The following NPEPPS variants were observed in gnomAD, a reference collection of about 807,000 sequenced individuals.
NPEPPS encodes aminopeptidase puromycin sensitive, also known as puromycin-sensitive aminopeptidase.
Under a neutral mutation model 115.5 loss-of-function variants are expected in NPEPPS, and 14 were observed. The ratio of observed to expected loss-of-function variants is 0.12; its 90% CI spans 0.08 to 0.19. NPEPPS has a LOEUF of 0.19. NPEPPS is among the 10% of genes least tolerant of loss of function. The probability of loss-of-function intolerance (pLI) is 1.00; values close to 1 mark genes in which losing one functional copy is unlikely to be tolerated. For missense variants in NPEPPS, 523 were observed against 1,110.8 expected (o/e 0.47, Z 7.52); for synonymous variants, 285 against 390.6 (o/e 0.73, Z 3.19).
intron 17 of NPEPPS, among the ~76,000 whole-genome samples, chr17:47,609,515 C>T (rs1160058131): frequency 6.6e-6 from 1 of 152,214 alleles, no homozygotes; most frequent in Non-Finnish European, 1.5e-5. Flanking sequence ...TAAATTACTT[C>T]TTGTAAGAAT....
Position 47,622,788 on chromosome 17 carries a change from T to G in NPEPPS, c.*868T>G. On this transcript the variant is annotated 3_prime_UTR_variant, in exon 23 of 23. Coordinates refer to ENST00000322157, the MANE Select transcript of NPEPPS (RefSeq NM_006310.4). ...GTGAGACAATAGAAATAAAAAGATC[T>G]TCAGCCAGGCCTTTCTGAAGGAGTT... 2.3e-6 allele frequency: 1 copy of G among 431,572 alleles called. No individual in the cohort carries two copies. The highest frequency in any genetic ancestry group is 4.5e-6 in the Non-Finnish European group (1 of 220,720). 26.7% of individuals were successfully genotyped at this position (431,572 alleles called of 1,614,324 possible).
At chr17:47,541,592 G>A (rs549754054) in intron 1 of NPEPPS, among the ~76,000 whole-genome samples, 115 of 152,198 alleles carry the variant, frequency 7.6e-4, no homozygotes, top group Middle Eastern at 3.4e-3. Flanking sequence ...AGCCAGGCTG[G>A]TCTCGAACCC....
intron 17 of NPEPPS, among the ~76,000 whole-genome samples, chr17:47,611,586 C>T (rs1913880569): frequency 6.6e-6 from 1 of 152,142 alleles, no homozygotes; most frequent in Admixed American, 6.5e-5. Context: ...GATCCTCCCT[C>T]CCCAGCCTCC....
chr17:47,552,748 T>G (rs564463106), intron 2 of NPEPPS, among the ~76,000 whole-genome samples: 217 of 152,314 alleles, frequency 1.4e-3, no homozygotes, highest in African/African-American at 4.9e-3. Context: ...AACCTCCAGT[T>G]CAGGTTAGGT....
intron 19 of NPEPPS, among the ~76,000 whole-genome samples, chr17:47,616,864 TG>T (rs1287820136): frequency 1.3e-5 from 2 of 149,402 alleles, no homozygotes; most frequent in African/African-American, 2.5e-5. Context: ...AATTGTTTAT[TG>T]AAAAAAAAAA....
At chr17:47,523,311 G>C (rs1344251438) in intron 1 of NPEPPS, among the ~76,000 whole-genome samples, 22 of 144,842 alleles carry the variant, frequency 1.5e-4, no homozygotes, top group African/African-American at 5.4e-4. Flanking sequence ...CATTATCTTT[G>C]CTCTGAAATA....
intron 3 of NPEPPS, among the ~76,000 whole-genome samples, chr17:47,570,192 C>T (rs1306981543): frequency 5.3e-5 from 8 of 152,164 alleles, no homozygotes; most frequent in Admixed American, 3.9e-4. Context: ...GAGGCCAAGG[C>T]GGGCTGATCA....
chr17:47,613,752 T>A lies in NPEPPS; in HGVS notation c.2295+27T>A, dbSNP rs778325219. 4.5e-6 allele frequency: 7 copies of A among 1,571,678 alleles called. No homozygotes were observed. In the East Asian group the frequency reaches 1.3e-4, roughly 30 times the overall value. ...TAAGTATATTTGAGAAGGCTCCCAT[T>A]TCCTGCTTTTGAACTTGGATAGACA... On this transcript the variant is annotated intron_variant, in intron 19 of 22. Transcript: ENST00000322157.
upstream of NPEPPS, among the ~76,000 whole-genome samples, chr17:47,527,336 T>A (rs1489097511): frequency 5.0e-5 from 7 of 141,082 alleles, no homozygotes; most frequent in Non-Finnish European, 9.4e-5. Flanking sequence ...TACAAAAAAA[T>A]TAACGGGTGT....
intron 17 of NPEPPS, among the ~76,000 whole-genome samples, chr17:47,611,143 C>T (rs983516789): frequency 6.6e-6 from 1 of 151,868 alleles, no homozygotes; most frequent in Non-Finnish European, 1.5e-5. Flanking sequence ...TGAGCCACCG[C>T]GCCCGTCCTT....
At chr17:47,527,621 G>T (rs542486132), upstream of NPEPPS, among the ~76,000 whole-genome samples, 235 of 151,528 alleles carry the variant, frequency 1.6e-3, 1 homozygote, top group South Asian at 6.3e-3. Context: ...CCTTAGGGAG[G>T]CCTAGGCAGG....
At chr17:47,614,519 A>G (rs1458479420) in intron 19 of NPEPPS, among the ~76,000 whole-genome samples, 1 of 152,198 alleles carries the variant, frequency 6.6e-6, no homozygotes, top group Non-Finnish European at 1.5e-5. Flanking sequence ...ACCTGCCTTC[A>G]TAGCCTCTCT....
chr17:47,598,449 C>G (rs1265174152), intron 13 of NPEPPS, among the ~76,000 whole-genome samples: 1 of 152,016 alleles, frequency 6.6e-6, no homozygotes, highest in Non-Finnish European at 1.5e-5. Flanking sequence ...GCAGTCCATC[C>G]TGGGCAACAG....
chr17:47,574,959 T>G (rs2663756), intron 3 of NPEPPS, among the ~76,000 whole-genome samples: 3 of 152,326 alleles, frequency 2.0e-5, no homozygotes, highest in East Asian at 1.9e-4. Context: ...AATGATTTCA[T>G]TAACTTAAAT....
chr17:47,558,752 C>G (rs961202029), intron 2 of NPEPPS, among the ~76,000 whole-genome samples: 1 of 151,102 alleles, frequency 6.6e-6, no homozygotes, highest in Admixed American at 6.6e-5. Flanking sequence ...TAGGGTCTTG[C>G]GGCTGGGTGT....
At chr17:47,587,190 A>G (rs1597864898) in intron 8 of NPEPPS, 40 bp from the exon 9 acceptor site, 1 of 1,506,974 alleles carries the variant, frequency 6.6e-7, no homozygotes, top group Admixed American at 2.5e-5. Context: ...GCCCACTTTT[A>G]TTGTTTAAAT....
At chr17:47,616,579 G>A (rs1567873754) in intron 19 of NPEPPS, among the ~76,000 whole-genome samples, 1 of 151,888 alleles carries the variant, frequency 6.6e-6, no homozygotes, top group Non-Finnish European at 1.5e-5. Flanking sequence ...AGCTACTCAG[G>A]AGGCTGAGGC....
At chr17:47,596,860 C>T (rs1912909660) in intron 13 of NPEPPS, among the ~76,000 whole-genome samples, 1 of 152,090 alleles carries the variant, frequency 6.6e-6, no homozygotes, top group Admixed American at 6.6e-5. Flanking sequence ...CCAGCCCGGC[C>T]AATGTAGTAA....
chr17:47,550,180 G>A (rs1212784113), intron 2 of NPEPPS, among the ~76,000 whole-genome samples: 2 of 151,932 alleles, frequency 1.3e-5, no homozygotes, highest in Non-Finnish European at 2.9e-5. Flanking sequence ...TGATCTGCCC[G>A]CCTTGGCCTC....
Sources: allele counts gnomAD v4.1 joint callset (sites outside exome capture counted in the v4.1 genomes callset), GRCh38; gene constraint gnomAD v4.1.1; transcripts MANE v1.5; gene names NCBI Gene and HGNC (gene_info 2026-07-23, HGNC 2026-07-21).